CTNND2: variants seen among roughly 807,000 people sequenced by gnomAD.
The protein encoded by CTNND2 is catenin delta-2.
CTNND2 carries 22 observed loss-of-function variants against 144.4 expected under a neutral mutation model. The ratio of observed to expected loss-of-function variants is 0.15; its 90% confidence interval spans 0.11 to 0.22. CTNND2 has a LOEUF of 0.22. Among genes scored for constraint, CTNND2 ranks in the 10% least tolerant of loss-of-function variants. The pLI, the probability that CTNND2 is intolerant of heterozygous loss-of-function variation, is 1.00. For missense variants in CTNND2, 1,353 were observed against 1,618.8 expected, an observed-to-expected ratio of 0.84 and a Z score of 2.82; for synonymous variants, 751 against 695.6, an observed-to-expected ratio of 1.08 and a Z score of -1.25.
intron 1 of CTNND2, among the ~76,000 whole-genome samples, chr5:11,886,083 A>G (rs978629700): frequency 2.0e-5 from 3 of 152,126 alleles, no homozygotes; most frequent in African/African-American, 7.2e-5. Flanking sequence ...AAGTAGAAAG[A>G]TTTCAAATAA....
chr5:11,576,493 C>T (rs1326916713), intron 2 of CTNND2, among the ~76,000 whole-genome samples: 1 of 151,352 alleles, frequency 6.6e-6, no homozygotes, highest in Non-Finnish European at 1.5e-5. Context: ...AGTTATGCTC[C>T]ATTTATTGGC....
chr5:11,792,148 T>C (rs1561800646), intron 1 of CTNND2, among the ~76,000 whole-genome samples: 1 of 152,198 alleles, frequency 6.6e-6, no homozygotes, highest in Non-Finnish European at 1.5e-5. Context: ...CCAATGATAA[T>C]CAGTTTAAAT....
At chr5:11,061,680 A>G (rs917746666) in intron 16 of CTNND2, among the ~76,000 whole-genome samples, 1 of 151,214 alleles carries the variant, frequency 6.6e-6, no homozygotes, top group Non-Finnish European at 1.5e-5. Flanking sequence ...TATTTTACTC[A>G]TGTCTGAAGT....
At chr5:11,594,110 T>C (rs1259850821) in intron 2 of CTNND2, among the ~76,000 whole-genome samples, 1 of 152,134 alleles carries the variant, frequency 6.6e-6, no homozygotes, top group Non-Finnish European at 1.5e-5. Context: ...CCAGAAGACA[T>C]CTCCTATAAT....
chr5:11,856,757 C>T (rs1329529680), intron 1 of CTNND2, among the ~76,000 whole-genome samples: 2 of 152,116 alleles, frequency 1.3e-5, no homozygotes, highest in African/African-American at 4.8e-5. Context: ...GGTAACATGG[C>T]TGAATCTGAG....
At chr5:11,620,628 T>A (rs545795367) in intron 2 of CTNND2, among the ~76,000 whole-genome samples, 12 of 152,296 alleles carry the variant, frequency 7.9e-5, no homozygotes, top group Non-Finnish European at 1.6e-4. Flanking sequence ...TAAAGAACTA[T>A]CTTTTAATAG....
intron 2 of CTNND2, among the ~76,000 whole-genome samples, chr5:11,725,606 G>A (rs1277814369): frequency 9.9e-5 from 15 of 152,004 alleles, no homozygotes; most frequent in African/African-American, 3.6e-4. Context: ...GTGTAGTGGG[G>A]GGGAAAAGCA....
intron 1 of CTNND2, among the ~76,000 whole-genome samples, chr5:11,868,468 G>T (rs1795879083): frequency 6.6e-6 from 1 of 152,162 alleles, no homozygotes; most frequent in Non-Finnish European, 1.5e-5. Flanking sequence ...CATGGAGTTT[G>T]CCTGCTCTTT....
At chr5:11,835,359 A>AAAGCATAC (rs1794122330) in intron 1 of CTNND2, among the ~76,000 whole-genome samples, 1 of 152,154 alleles carries the variant, frequency 6.6e-6, no homozygotes, top group Admixed American at 6.5e-5. Flanking sequence ...TTTCTGCACA[A>AAAGCATAC]AAGCATACAC....
At chr5:11,571,303 G>A (rs1777532123) in intron 2 of CTNND2, among the ~76,000 whole-genome samples, 1 of 152,164 alleles carries the variant, frequency 6.6e-6, no homozygotes, top group South Asian at 2.1e-4. Flanking sequence ...CAGCATGAGT[G>A]AGGCTTGTTA....
chr5:11,813,167 C>A (rs1256669753), intron 1 of CTNND2, among the ~76,000 whole-genome samples: 1 of 152,208 alleles, frequency 6.6e-6, no homozygotes, highest in Non-Finnish European at 1.5e-5. Context: ...CATTGTGTTA[C>A]AATTGCCTAC....
intron 3 of CTNND2, among the ~76,000 whole-genome samples, chr5:11,418,709 T>C (rs533071407): frequency 1.3e-5 from 2 of 152,318 alleles, no homozygotes; most frequent in African/African-American, 4.8e-5. Flanking sequence ...GGTTACTACT[T>C]GGATATTGGG....
At chr5:11,646,427 A>C (rs1420054163) in intron 2 of CTNND2, among the ~76,000 whole-genome samples, 1 of 152,294 alleles carries the variant, frequency 6.6e-6, no homozygotes, top group Admixed American at 6.5e-5. Context: ...CCAGTGCCAG[A>C]GCCTTTCACA....
chr5:11,700,522 C>T (rs528611150), intron 2 of CTNND2, among the ~76,000 whole-genome samples: 3 of 152,132 alleles, frequency 2.0e-5, no homozygotes, highest in Non-Finnish European at 2.9e-5. Context: ...TTGTATTCAG[C>T]GTGCTGGGGG....
At chr5:11,375,671 C>A (rs920543120) in intron 7 of CTNND2, among the ~76,000 whole-genome samples, 8 of 152,192 alleles carry the variant, frequency 5.3e-5, no homozygotes, top group African/African-American at 1.7e-4. Flanking sequence ...AATCTATAGC[C>A]AAAATTCTCT....
chr5:11,043,322 A>G (rs1744878776), intron 16 of CTNND2, among the ~76,000 whole-genome samples: 2 of 152,192 alleles, frequency 1.3e-5, no homozygotes, highest in Non-Finnish European at 2.9e-5. Context: ...TTAGTTAACC[A>G]CAGTAGACAT....
intron 9 of CTNND2, among the ~76,000 whole-genome samples, chr5:11,298,864 C>T (rs748376695): frequency 6.6e-6 from 1 of 152,130 alleles, no homozygotes; most frequent in Non-Finnish European, 1.5e-5. Flanking sequence ...GTGATAGTAC[C>T]TCAGAGGGTT....
chr5:10,980,906 T>C (rs1337128409), intron 21 of CTNND2, among the ~76,000 whole-genome samples: 6 of 151,720 alleles, frequency 4.0e-5, no homozygotes, highest in Non-Finnish European at 8.8e-5. Flanking sequence ...GGTCAGGGGC[T>C]AGGGGAGGGA....
intron 18 of CTNND2, among the ~76,000 whole-genome samples, chr5:11,015,674 G>A (rs1741533605): frequency 6.6e-6 from 1 of 152,200 alleles, no homozygotes; most frequent in African/African-American, 2.4e-5. Context: ...ATGCACAGAA[G>A]TATCAGAAGG....
Sources: gnomAD v4.1 joint callset for allele counts (sites outside exome capture counted in the v4.1 genomes callset) on GRCh38, gnomAD v4.1.1 for gene constraint, MANE v1.5 for transcripts, NCBI Gene and HGNC (gene_info 2026-07-23, HGNC 2026-07-21) for gene names.